ZNF554: variants seen among roughly 807,000 people sequenced by gnomAD.
The protein encoded by ZNF554 is zinc finger protein 554.
In ZNF554, 15 loss-of-function variants were observed where a neutral mutation model predicts 21.2. The ratio of observed to expected loss-of-function variants is 0.71; its 90% CI spans 0.47 to 1.09. ZNF554 has a LOEUF of 1.09. ZNF554 is among the 50% of genes least tolerant of loss of function. The pLI is 0.00. For missense variants in ZNF554, 691 were observed against 662.7 expected (o/e 1.04, Z -0.47); for synonymous variants, 258 against 251.4 (o/e 1.03, Z -0.25).
chr19:2,833,293 TA>T, intron 4 of ZNF554: 1 of 161,556 alleles, frequency 6.2e-6, no homozygotes, highest in South Asian at 1.7e-4. Flanking sequence ...CACGCCTAGC[TA>T]ATTTTTGTAT....
chr19:2,826,532 T>A (rs1203983780), intron 2 of ZNF554, among the ~76,000 whole-genome samples: 5 of 152,106 alleles, frequency 3.3e-5, no homozygotes, highest in African/African-American at 9.7e-5. Context: ...GATACCAGCT[T>A]ACGTGCTGTT....
At position 2,821,096 on chromosome 19, in the gene ZNF554, CT is replaced by C. The variant is rs1303578173; in HGVS notation, c.53+982del. 5.4e-5 allele frequency among the ~76,000 whole-genome samples: 8 copies of C among 149,480 alleles called. No individual in the cohort carries two copies. The highest frequency in any genetic ancestry group is 2.1e-4 in the South Asian group (1 of 4,728). On this transcript the variant is annotated intron_variant, in intron 1 of 4. Coordinates refer to ENST00000317243, the MANE Select transcript of ZNF554 (RefSeq NM_001102651.2). The surrounding 1 kb of genome is among the most constrained non-coding windows in gnomAD (Gnocchi z 8.2). ...AACAGGTTGGTTTCTTTTTCTTCTT[CT>C]TTTTTTTTTCTTGAGACAGTCTCGC...
rs1361629102 is a variant in ZNF554, at chr19:2,821,567, G to A, written c.53+1443G>A. 1.3e-5 allele frequency among the ~76,000 whole-genome samples: 2 copies of A among 151,924 alleles called. No individual in the cohort carries two copies. Among genetic ancestry groups the A allele is most frequent in the South Asian group, 2.1e-4 (1 of 4,832 alleles). On this transcript the variant is annotated intron_variant, in intron 1 of 4. Coordinates refer to ENST00000317243, the MANE Select transcript of ZNF554 (RefSeq NM_001102651.2). The surrounding 1 kb of genome is among the most constrained non-coding windows in gnomAD (Gnocchi z 8.2). ...CTGTCTCTTCCAGCTTCTGGGGGTG[G>A]CCTGCCATAGTTGGTGTCCCTTGGC...
At chr19:2,820,204 G>T (rs967848322) in intron 1 of ZNF554, 80 bp downstream of exon 1, 3 of 1,172,316 alleles carry the variant, frequency 2.6e-6, no homozygotes, top group South Asian at 4.3e-5. Context: ...TGGCGGGGCC[G>T]GGTGGCCGGG....
chr19:2,832,598 A>G (rs995069974), intron 4 of ZNF554, 104 bp downstream of exon 4: 2 of 1,231,934 alleles, frequency 1.6e-6, no homozygotes, highest in African/African-American at 3.0e-5. Context: ...GAGAATGCCA[A>G]GATCCCTTTC....
chr19:2,822,113 C>T (rs2087272423), intron 1 of ZNF554, among the ~76,000 whole-genome samples: 1 of 152,134 alleles, frequency 6.6e-6, no homozygotes, highest in Non-Finnish European at 1.5e-5. Flanking sequence ...TGCAGTGGCA[C>T]AGTCTTGGCT....
rs1367925744 is a variant in ZNF554, at chr19:2,820,063, C to G, written c.-9C>G. Reference sequence around the variant, plus strand: ...GGGGGCCCTGTCTGGCGCCTCAGCGCGCGCCCCGATGGTCACCTGCGCCCA... The same window carrying G: ...GGGGGCCCTGTCTGGCGCCTCAGCGGGCGCCCCGATGGTCACCTGCGCCCA... On this transcript the variant is annotated 5_prime_UTR_variant, in exon 1 of 5. Transcript: ENST00000317243. The G allele has an allele frequency of 1.5e-5, 18 of 1,208,298 alleles. No homozygotes were observed. Among genetic ancestry groups the G allele is most frequent in the Non-Finnish European group, 1.9e-5 (18 of 972,674 alleles). 74.8% of individuals were successfully genotyped at this position (1,208,298 alleles called of 1,614,324 possible). A position where few individuals can be genotyped will look rare whatever the true frequency, so the allele number is the denominator to read the frequency against.
intron 3 of ZNF554, among the ~76,000 whole-genome samples, chr19:2,828,053 G>A (rs12462706): frequency 0.058 from 8,770 of 152,128 alleles, 357 homozygotes; most frequent in East Asian, 0.21. Flanking sequence ...AACCACCTCC[G>A]CCATGATTCA....
rs144138786 is a variant in ZNF554 at position 2,822,328 on chromosome 19, A to G, written c.54-712A>G. On this transcript the variant is annotated intron_variant, in intron 1 of 4. Transcript: ENST00000317243. Reference sequence around the variant, plus strand: ...AGCCTCCCAAAGTGCTGGGATTACAAGTATGAGCCACCATACCCGAGCTTT... The same window carrying G: ...AGCCTCCCAAAGTGCTGGGATTACAGGTATGAGCCACCATACCCGAGCTTT... Among the ~76,000 whole-genome samples the G allele has an allele frequency of 9.0e-3, 1,376 of 152,218 alleles. 29 individuals are homozygous for G. Among genetic ancestry groups the G allele is most frequent in the African/African-American group, 0.031 (1,296 of 41,538 alleles).
In ZNF554 at chr19:2,821,116, G is replaced by T. The variant is rs115506592; in HGVS notation, c.53+992G>T. On this transcript the variant is annotated intron_variant, in intron 1 of 4. Transcript: ENST00000317243. The surrounding 1 kb of genome is among the most constrained non-coding windows in gnomAD (Gnocchi z 8.2). Reference sequence around the variant, plus strand: ...TTCTTCTTTTTTTTTTCTTGAGACAGTCTCGCCCTATTGCCCAGGCTGGAG... The same window carrying T: ...TTCTTCTTTTTTTTTTCTTGAGACATTCTCGCCCTATTGCCCAGGCTGGAG... Among the ~76,000 whole-genome samples, 4,042 of 150,496 alleles carry T rather than the reference G, an allele frequency of 0.027. 287 individuals are homozygous for T. The highest frequency in any genetic ancestry group is 0.094 in the African/African-American group (3,826 of 40,658).
At chr19:2,828,104 A>G (rs1217295952) in intron 3 of ZNF554, among the ~76,000 whole-genome samples, 2 of 152,202 alleles carry the variant, frequency 1.3e-5, no homozygotes, top group Non-Finnish European at 2.9e-5. Flanking sequence ...CGGGATTATT[A>G]CAATTCAAGG....
rs761427617 is a variant in ZNF554, at chr19:2,834,700, G to A, written c.1465G>A (p.Glu489Lys). 1 of 1,614,082 alleles carries A rather than the reference G, an allele frequency of 6.2e-7. No homozygotes were observed. The highest frequency in any genetic ancestry group is 8.5e-7 in the Non-Finnish European group (1 of 1,179,992). ...GAGGCACGAGAGAACTCACACTGGA[G>A]AGAAACCCTACAGGTGTCAGGAATG... is the stretch of plus-strand genomic sequence containing the variant. ...LVRHERTHTGEKPYRCQECGK... is the reference protein window; with the variant it reads ...LVRHERTHTGKKPYRCQECGK... The change falls in exon 5 of 5, where the codon GAG becomes AAG. Residue 489 changes from glutamate to lysine, a missense_variant. Coordinates refer to ENST00000317243, the MANE Select transcript of ZNF554 (RefSeq NM_001102651.2).
rs766116681 is a variant in ZNF554, at chr19:2,836,718, C to T, written c.*1866C>T. ...ATAGCACCCAAAATTGTGAAGGATA[C>T]GGAACCTCATTGATGAGTCAGGATA... On this transcript the variant is annotated 3_prime_UTR_variant, in exon 5 of 5. Coordinates refer to ENST00000317243, the MANE Select transcript of ZNF554 (RefSeq NM_001102651.2). Among the ~76,000 whole-genome samples, 2 of 152,088 alleles carry T rather than the reference C, an allele frequency of 1.3e-5. No individual in the cohort carries two copies. Among genetic ancestry groups the T allele is most frequent in the African/African-American group, 2.4e-5 (1 of 41,384 alleles).
intron 1 of ZNF554, 108 bp from the exon 2 acceptor site, chr19:2,822,932 G>C (rs1471050408): frequency 4.5e-6 from 5 of 1,100,988 alleles, no homozygotes; most frequent in African/African-American, 1.6e-5. Context: ...ACCTCCCTCT[G>C]TGTATGGGGG....
At chr19:2,820,223 C>T (rs1393104971) in intron 1 of ZNF554, 99 bp downstream of exon 1, 2 of 1,108,832 alleles carry the variant, frequency 1.8e-6, no homozygotes, top group African/African-American at 3.3e-5. Flanking sequence ...GGGCATGACC[C>T]TGTCGCGATA....
At chr19:2,822,003 G>A (rs1183776868) in intron 1 of ZNF554, among the ~76,000 whole-genome samples, 4 of 152,068 alleles carry the variant, frequency 2.6e-5, no homozygotes, top group Admixed American at 1.3e-4. Flanking sequence ...GACCCCAGTA[G>A]CTGGAAGAGG....
chr19:2,833,955 A>C lies in ZNF554; in HGVS notation c.720A>C (p.Lys240Asn), dbSNP rs1484122757. ...TTGTTTTATCACAGGGAAGCTCTAA[A>C]GGGAACCACTTGTGTGGCAGCGAGT... ...PALVLSQGSS[K>N]GNHLCGSELD... The change falls in exon 5 of 5, where the codon AAA (lysine) becomes AAC (asparagine). Residue 240 changes from lysine (K) to asparagine (N), a missense_variant. Physicochemically the swap from Lys to Asn is moderately conservative, Grantham distance 94. Transcript: ENST00000317243. The C allele has an allele frequency of 6.2e-7, 1 of 1,614,144 alleles. No individual in the cohort carries two copies. Among genetic ancestry groups the C allele is most frequent in the South Asian group, 1.1e-5 (1 of 91,090 alleles).
At chr19:2,832,187 A>T (rs1012027598) in intron 3 of ZNF554, 116 bp from the exon 4 acceptor site, 11 of 1,051,336 alleles carry the variant, frequency 1.0e-5, no homozygotes, top group Non-Finnish European at 1.3e-5. Flanking sequence ...CGGCCTCCCA[A>T]ATTGCTGGGA....
Position 2,821,292 on chromosome 19 carries a change from G to A in ZNF554, c.53+1168G>A, listed in dbSNP as rs2087260376. 6.6e-6 allele frequency among the ~76,000 whole-genome samples: 1 copy of A among 151,444 alleles called. No homozygotes were observed. Among genetic ancestry groups the A allele is most frequent in the Non-Finnish European group, 1.5e-5 (1 of 67,926 alleles). Reference sequence around the variant, plus strand: ...AGTAGATACAGAGTTTCTCCATGTTGGCCAGCCAGGCTGGTATCGAACTCC... The same window carrying A: ...AGTAGATACAGAGTTTCTCCATGTTAGCCAGCCAGGCTGGTATCGAACTCC... On this transcript the variant is annotated intron_variant, in intron 1 of 4. Transcript: ENST00000317243. The surrounding 1 kb of genome is among the most constrained non-coding windows in gnomAD (Gnocchi z 8.2).
Sources: gnomAD v4.1 joint callset for allele counts (sites outside exome capture counted in the v4.1 genomes callset) on GRCh38, gnomAD v4.1.1 for gene constraint, Gnocchi (gnomAD v3.1) non-coding constraint, MANE v1.5 for transcripts, NCBI Gene and HGNC (gene_info 2026-07-23, HGNC 2026-07-21) for gene names.